Variants in SPATA16 observed in about 807,000 individuals in gnomAD.
SPATA16 encodes the protein spermatogenesis associated 16, also known as spermatogenesis-associated protein 16.
In SPATA16, 36 loss-of-function variants were observed where a neutral mutation model predicts 63.3. The observed-to-expected ratio is 0.57, with a 90% CI of 0.44 to 0.75. The LOEUF is 0.75. Among genes scored for constraint, SPATA16 ranks in the 30% least tolerant of loss-of-function variants. The probability of loss-of-function intolerance (pLI) is 0.00; values close to 1 mark genes in which losing one functional copy is unlikely to be tolerated. For synonymous variants in SPATA16, 203 were observed against 216.7 expected (o/e 0.94, Z 0.56); for missense variants, 646 against 679.3 (o/e 0.95, Z 0.54).
intron 3 of SPATA16, among the ~76,000 whole-genome samples, chr3:173,024,261 C>A (rs1011295661): frequency 1.3e-5 from 2 of 151,320 alleles, no homozygotes; most frequent in Admixed American, 6.6e-5. Context: ...TACTACTTTT[C>A]AGTATTTATA....
At chr3:173,033,708 G>A (rs1043384587) in intron 3 of SPATA16, among the ~76,000 whole-genome samples, 2 of 151,936 alleles carry the variant, frequency 1.3e-5, no homozygotes, top group Admixed American at 6.6e-5. Flanking sequence ...TTTTATTTTA[G>A]TTTAGTTTTT....
intron 2 of SPATA16, among the ~76,000 whole-genome samples, chr3:173,070,508 A>T (rs1448243709): frequency 1.3e-5 from 2 of 152,182 alleles, no homozygotes; most frequent in Admixed American, 1.3e-4. Flanking sequence ...TCCAAATTAG[A>T]AAGGAAGAAA....
rs541801266 is a variant in SPATA16 at position 173,069,112 on chromosome 3, G to GAAAAAAAAAAAAAAA, written c.613-20019_613-20018insTTTTTTTTTTTTTTT. 3.5e-3 allele frequency among the ~76,000 whole-genome samples: 384 copies of GAAAAAAAAAAAAAAA among 108,920 alleles called. 13 individuals are homozygous for GAAAAAAAAAAAAAAA. The highest frequency in any genetic ancestry group is 0.013 in the African/African-American group (342 of 27,168). 71.5% of individuals were successfully genotyped at this position (108,920 alleles called of 152,430 possible). A position where few individuals can be genotyped will look rare whatever the true frequency, so the allele number is the denominator to read the frequency against. ...GCAGCAGTACGAGACTCCGTCTCAA[G>GAAAAAAAAAAAAAAA]AAAAAAAAAAAAAAGAAAGAAAGAA... is the stretch of plus-strand genomic sequence containing the variant. On this transcript the variant is annotated intron_variant, in intron 2 of 10. Coordinates refer to ENST00000351008, the MANE Select transcript of SPATA16 (RefSeq NM_031955.6).
At chr3:173,031,562 G>T (rs1227472289) in intron 3 of SPATA16, among the ~76,000 whole-genome samples, 1 of 152,002 alleles carries the variant, frequency 6.6e-6, no homozygotes, top group Non-Finnish European at 1.5e-5. Flanking sequence ...GTTCCATATT[G>T]TTGCTTCTTA....
At chr3:173,038,322 A>T (rs563370188) in intron 3 of SPATA16, among the ~76,000 whole-genome samples, 1 of 152,094 alleles carries the variant, frequency 6.6e-6, no homozygotes, top group South Asian at 2.1e-4. Context: ...ACATTGAGGG[A>T]AGTTGCCTTG....
intron 2 of SPATA16, among the ~76,000 whole-genome samples, chr3:173,085,877 G>T (rs1208836439): frequency 6.6e-6 from 1 of 152,128 alleles, no homozygotes; most frequent in Non-Finnish European, 1.5e-5. Context: ...ACTTGATCGT[G>T]GTAAATAAGC....
intron 1 of SPATA16, among the ~76,000 whole-genome samples, chr3:173,121,852 C>A (rs1414063548): frequency 6.6e-6 from 1 of 152,078 alleles, no homozygotes; most frequent in Non-Finnish European, 1.5e-5. Flanking sequence ...AGTACATTTT[C>A]TTCTTTGATA....
At chr3:172,899,482 A>G (rs1732078953) in intron 10 of SPATA16, among the ~76,000 whole-genome samples, 1 of 151,880 alleles carries the variant, frequency 6.6e-6, no homozygotes. Flanking sequence ...TTTACATGAT[A>G]TTTCTTTTTA....
At chr3:173,065,448 A>G (rs1736495896) in intron 2 of SPATA16, among the ~76,000 whole-genome samples, 1 of 152,216 alleles carries the variant, frequency 6.6e-6, no homozygotes, top group South Asian at 2.1e-4. Context: ...GCAGAGCAAG[A>G]TGGCCAAATA....
chr3:173,051,759 C>G (rs1736101840), intron 2 of SPATA16, among the ~76,000 whole-genome samples: 1 of 152,126 alleles, frequency 6.6e-6, no homozygotes, highest in Admixed American at 6.5e-5. Context: ...TTGCCCCTTC[C>G]TATCCTTGTT....
intron 4 of SPATA16, among the ~76,000 whole-genome samples, chr3:172,983,780 A>G (rs2108256165): frequency 6.6e-6 from 1 of 152,010 alleles, no homozygotes; most frequent in East Asian, 1.9e-4. Context: ...CACACAAAGC[A>G]TCTTTATCTA....
chr3:172,991,759 A>G (rs986467397), intron 4 of SPATA16, among the ~76,000 whole-genome samples: 16 of 152,224 alleles, frequency 1.1e-4, no homozygotes, highest in African/African-American at 3.6e-4. Flanking sequence ...TTCTATACAC[A>G]GTTCCTTAGG....
intron 2 of SPATA16, among the ~76,000 whole-genome samples, chr3:173,104,430 T>C (rs1291879590): frequency 6.6e-6 from 1 of 152,226 alleles, no homozygotes; most frequent in East Asian, 1.9e-4. Context: ...AAAGGTTTAG[T>C]TGGCTTACAG....
intron 1 of SPATA16, among the ~76,000 whole-genome samples, chr3:173,139,985 A>AAAACAAAC (rs10606462): frequency 3.7e-4 from 56 of 150,436 alleles, no homozygotes; most frequent in East Asian, 2.4e-3. Context: ...ACTCTGTCTC[A>AAAACAAAC]AAACAAACAA....
At chr3:173,076,064 T>A (rs1049578885) in intron 2 of SPATA16, among the ~76,000 whole-genome samples, 5 of 152,114 alleles carry the variant, frequency 3.3e-5, no homozygotes, top group Admixed American at 6.5e-5. Flanking sequence ...GTACTCATAA[T>A]GGTAAAAAAT....
chr3:173,055,517 G>C (rs1407533092), intron 2 of SPATA16, among the ~76,000 whole-genome samples: 1 of 152,148 alleles, frequency 6.6e-6, no homozygotes, highest in Non-Finnish European at 1.5e-5. Context: ...AAAAAAATCT[G>C]ATCTCAAACT....
intron 4 of SPATA16, among the ~76,000 whole-genome samples, chr3:173,010,435 C>CGTGTGTGTGTGTGTGTGTGTGT (rs66547523): frequency 7.1e-6 from 1 of 141,310 alleles, no homozygotes; most frequent in South Asian, 2.4e-4. Context: ...CACGTTGTGG[C>CGTGTGTGTGTGTGTGTGTGTGT]GTGTGTGTGT....
At chr3:173,069,106 T>A (rs1261764623) in intron 2 of SPATA16, among the ~76,000 whole-genome samples, 3 of 94,956 alleles carry the variant, frequency 3.2e-5, no homozygotes, top group African/African-American at 1.3e-4. Context: ...CGAGACTCCG[T>A]CTCAAGAAAA....
intron 4 of SPATA16, among the ~76,000 whole-genome samples, chr3:172,998,129 G>A (rs1223700631): frequency 6.6e-6 from 1 of 152,148 alleles, no homozygotes; most frequent in African/African-American, 2.4e-5. Context: ...AAGTTTGGAA[G>A]AACTGACATT....
Sources: allele counts gnomAD v4.1 joint callset (sites outside exome capture counted in the v4.1 genomes callset), GRCh38; gene constraint gnomAD v4.1.1; transcripts MANE v1.5; gene names NCBI Gene and HGNC (gene_info 2026-07-23, HGNC 2026-07-21).